Variants in CTNND2 observed in about 807,000 individuals in gnomAD.
CTNND2 encodes the protein catenin delta-2.
CTNND2 carries 22 observed loss-of-function variants against 144.4 expected under a neutral mutation model. The ratio of observed to expected loss-of-function variants is 0.15; its 90% CI spans 0.11 to 0.22. CTNND2 has a LOEUF of 0.22. Among genes scored for constraint, CTNND2 ranks in the 10% least tolerant of loss-of-function variants. The pLI is 1.00. For missense variants in CTNND2, 1,353 were observed against 1,618.8 expected (o/e 0.84, Z 2.82); for synonymous variants, 751 against 695.6 (o/e 1.08, Z -1.25).
At chr5:11,799,723 C>T (rs1791580328) in intron 1 of CTNND2, among the ~76,000 whole-genome samples, 1 of 152,146 alleles carries the variant, frequency 6.6e-6, no homozygotes, top group Admixed American at 6.5e-5. Context: ...TATTTTGAAA[C>T]ATAATGAAAC....
intron 7 of CTNND2, among the ~76,000 whole-genome samples, chr5:11,381,840 A>G (rs893344740): frequency 6.6e-5 from 10 of 152,010 alleles, no homozygotes; most frequent in Admixed American, 1.3e-4. Flanking sequence ...GGTGGCGGGC[A>G]CCTGTAGCCC....
intron 12 of CTNND2, among the ~76,000 whole-genome samples, chr5:11,147,748 A>G (rs894908877): frequency 3.3e-5 from 5 of 152,122 alleles, no homozygotes; most frequent in Non-Finnish European, 7.4e-5. Flanking sequence ...AGATAATGTA[A>G]TGGAGGTGAA....
intron 1 of CTNND2, among the ~76,000 whole-genome samples, chr5:11,823,589 G>A (rs1273551601): frequency 6.6e-6 from 1 of 151,968 alleles, no homozygotes; most frequent in African/African-American, 2.4e-5. Flanking sequence ...ATTTTTATTA[G>A]CCAAATTGAT....
chr5:11,799,786 T>G (rs1791582760), intron 1 of CTNND2, among the ~76,000 whole-genome samples: 1 of 152,214 alleles, frequency 6.6e-6, no homozygotes, highest in Non-Finnish European at 1.5e-5. Flanking sequence ...GCACTTAAGT[T>G]GTGTCAGGCA....
intron 2 of CTNND2, among the ~76,000 whole-genome samples, chr5:11,614,080 T>C (rs535189418): frequency 2.0e-5 from 3 of 152,322 alleles, no homozygotes; most frequent in Admixed American, 1.3e-4. Context: ...TCCTTGACAA[T>C]GGACATTTTT....
At chr5:11,678,229 T>C (rs1784265422) in intron 2 of CTNND2, among the ~76,000 whole-genome samples, 1 of 152,204 alleles carries the variant, frequency 6.6e-6, no homozygotes, top group Non-Finnish European at 1.5e-5. Flanking sequence ...TCCTGCCAAC[T>C]GAAGTTACCT....
chr5:11,885,904 A>G (rs945580464), intron 1 of CTNND2, among the ~76,000 whole-genome samples: 3 of 152,204 alleles, frequency 2.0e-5, no homozygotes, highest in African/African-American at 7.2e-5. Flanking sequence ...ATGGAAATTA[A>G]GCAACACGGT....
At chr5:11,848,596 G>A (rs188064660) in intron 1 of CTNND2, among the ~76,000 whole-genome samples, 2 of 152,130 alleles carry the variant, frequency 1.3e-5, no homozygotes, top group East Asian at 3.9e-4. Flanking sequence ...CTAAGGACAT[G>A]TTGCCCTTCA....
At chr5:11,889,162 G>A (rs1202910227) in intron 1 of CTNND2, among the ~76,000 whole-genome samples, 2 of 152,140 alleles carry the variant, frequency 1.3e-5, no homozygotes, top group African/African-American at 2.4e-5. Flanking sequence ...AAAAGCTGGA[G>A]TAACTAGACA....
chr5:11,320,404 A>T (rs1751917037), intron 9 of CTNND2, among the ~76,000 whole-genome samples: 1 of 152,226 alleles, frequency 6.6e-6, no homozygotes, highest in African/African-American at 2.4e-5. Context: ...GGTTTAAAAA[A>T]TCCTCTGTGG....
At chr5:11,207,446 C>T (rs948698177) in intron 10 of CTNND2, among the ~76,000 whole-genome samples, 4 of 150,750 alleles carry the variant, frequency 2.7e-5, no homozygotes, top group Non-Finnish European at 4.4e-5. Flanking sequence ...ATATCAATTA[C>T]ATATAGTTAG....
Position 11,614,312 on chromosome 5 carries a change from G to A in CTNND2, c.175-49256C>T, listed in dbSNP as rs376229986. Among the ~76,000 whole-genome samples the A allele has an allele frequency of 1.8e-4, 28 of 152,166 alleles. No homozygotes were observed. The South Asian group carries it at 5.2e-3, about 28-fold the overall frequency. ...CAGACAGGTTAAAAAATGTGCCTGA[G>A]GTCTGACTTGTGGTAAGTCTGAAGA... is the stretch of plus-strand genomic sequence containing the variant. On this transcript the variant is annotated intron_variant, in intron 2 of 21. Transcript: ENST00000304623.
intron 1 of CTNND2, among the ~76,000 whole-genome samples, chr5:11,876,939 C>A (rs1336292980): frequency 6.6e-6 from 1 of 152,136 alleles, no homozygotes; most frequent in Non-Finnish European, 1.5e-5. Flanking sequence ...ACCTTAGAGT[C>A]CCTTGAAATT....
chr5:11,616,488 T>C (rs1427331183), intron 2 of CTNND2, among the ~76,000 whole-genome samples: 2 of 152,130 alleles, frequency 1.3e-5, no homozygotes, highest in Admixed American at 1.3e-4. Flanking sequence ...TTGGTGTTAA[T>C]AATATTCTAA....
At chr5:11,166,476 C>T (rs1759341357) in intron 11 of CTNND2, among the ~76,000 whole-genome samples, 1 of 151,378 alleles carries the variant, frequency 6.6e-6, no homozygotes, top group Non-Finnish European at 1.5e-5. Flanking sequence ...GTCTCGATCT[C>T]CTGACCTCAT....
chr5:11,595,250 G>A (rs533202245), intron 2 of CTNND2, among the ~76,000 whole-genome samples: 1 of 152,110 alleles, frequency 6.6e-6, no homozygotes, highest in Non-Finnish European at 1.5e-5. Flanking sequence ...TTGCCTAGGG[G>A]CCTTGTAGTG....
intron 2 of CTNND2, among the ~76,000 whole-genome samples, chr5:11,581,873 C>T (rs576107955): frequency 2.0e-5 from 3 of 152,206 alleles, no homozygotes; most frequent in Non-Finnish European, 2.9e-5. Context: ...GGGGAAGGGA[C>T]GGTTTGAACT....
At position 11,572,794 on chromosome 5, in the gene CTNND2, T is replaced by A. The variant is rs985256852; in HGVS notation, c.175-7738A>T. 2.0e-5 allele frequency among the ~76,000 whole-genome samples: 3 copies of A among 151,962 alleles called. No individual in the cohort carries two copies. The East Asian group carries it at 5.8e-4, about 29-fold the overall frequency. ...ATGCACAAATGCCACCACGATCGAG[T>A]TAGCTGCATGTAAAATAAGAGAATG... On this transcript the variant is annotated intron_variant, in intron 2 of 21. Transcript: ENST00000304623.
intron 2 of CTNND2, among the ~76,000 whole-genome samples, chr5:11,595,937 T>C (rs571263457): frequency 1.3e-5 from 2 of 152,354 alleles, no homozygotes; most frequent in East Asian, 1.9e-4. Flanking sequence ...AGTTTTACTA[T>C]AAATATATAT....
Sources: gnomAD v4.1 joint callset for allele counts (sites outside exome capture counted in the v4.1 genomes callset) on GRCh38, gnomAD v4.1.1 for gene constraint, MANE v1.5 for transcripts, NCBI Gene and HGNC (gene_info 2026-07-23, HGNC 2026-07-21) for gene names.